SMARCAL1: variants seen among roughly 807,000 people sequenced by gnomAD.
SMARCAL1 encodes ATP-driven annealing helicase.
SMARCAL1 carries 58 observed loss-of-function variants against 94.5 expected under a neutral mutation model. That is an observed-to-expected ratio of 0.61 (90% confidence interval 0.50 to 0.76). The LOEUF (loss-of-function observed/expected upper bound fraction) is 0.76. SMARCAL1 is among the 30% of genes least tolerant of loss of function. The pLI, the probability that SMARCAL1 is intolerant of heterozygous loss-of-function variation, is 0.00. For missense variants in SMARCAL1, 1,051 were observed against 1,177.9 expected, an observed-to-expected ratio of 0.89 and a Z score of 1.58; for synonymous variants, 422 against 455.1, an observed-to-expected ratio of 0.93 and a Z score of 0.93.
At chr2:216,439,092 G>T (rs1694142298) in intron 10 of SMARCAL1, among the ~76,000 whole-genome samples, 1 of 152,164 alleles carries the variant, frequency 6.6e-6, no homozygotes, top group South Asian at 2.1e-4. Context: ...GACAGAAGGG[G>T]CAGCCATCCC....
At chr2:216,455,745 G>A (rs1300053512) in intron 12 of SMARCAL1, among the ~76,000 whole-genome samples, 1 of 152,164 alleles carries the variant, frequency 6.6e-6, no homozygotes, top group Non-Finnish European at 1.5e-5. Flanking sequence ...CCACAAAGAT[G>A]GGGAAAAAAC....
Position 216,414,923 on chromosome 2 carries a change from A to G in SMARCAL1, c.219A>G (p.Gln73=). 1.2e-6 allele frequency: 2 copies of G among 1,614,230 alleles called. No homozygotes were observed. Among genetic ancestry groups the G allele is most frequent in the Non-Finnish European group, 1.7e-6 (2 of 1,180,046 alleles). The change falls in exon 3 of 18, where the codon CAA becomes CAG. Residue 73 remains glutamine (Q), a synonymous_variant. Transcript: ENST00000357276. The part of the protein sequence containing the change: ...KPVSHGVIFK[Q]QNLSSSSNAD... The stretch of plus-strand genomic sequence containing the variant: ...TGAGCCATGGTGTCATTTTCAAGCA[A>G]CAGAATCTCAGTAGCTCATCTAATG...
rs1263420450 is a variant in SMARCAL1 at position 216,428,709 on chromosome 2, C to G, written c.1261C>G (p.Pro421Ala). The change falls in exon 7 of 18, where the codon CCA (proline) becomes GCA (alanine). Residue 421 changes from proline to alanine, a missense_variant. Physicochemically the swap from Pro to Ala is conservative, Grantham distance 27. This residue lies in a region of SMARCAL1 where 642 missense variants were observed against 754.7 expected (regional missense o/e 0.85). Transcript: ENST00000357276. ...ATCTCTCAGTCTCACGCCAGATGTCCCAGAGGCAGACCTTTCTGAAGTGGA... is the reference window on the plus strand; with the variant it reads ...ATCTCTCAGTCTCACGCCAGATGTCGCAGAGGCAGACCTTTCTGAAGTGGA... ...KTSLSLTPDV[P>A]EADLSEVDPK... 3 of 1,614,174 alleles carry G rather than the reference C, an allele frequency of 1.9e-6. No homozygotes were observed. Among genetic ancestry groups the G allele is most frequent in the South Asian group, 2.2e-5 (2 of 91,080 alleles).
Position 216,415,304 on chromosome 2 carries a change from G to T in SMARCAL1, c.600G>T (p.Ser200=). The T allele has an allele frequency of 6.2e-7, 1 of 1,614,222 alleles. No individual in the cohort carries two copies. Residue 200 remains serine (S), a synonymous_variant, in exon 3 of 18, where the codon TCG becomes TCT. Coordinates refer to ENST00000357276, the MANE Select transcript of SMARCAL1 (RefSeq NM_014140.4). ...CCAAGACAGCAAAAGCCTCCCCTTC[G>T]GGGCAGAACATTTCTTACATCCATT... is the stretch of plus-strand genomic sequence containing the variant. ...LEAKTAKASP[S]GQNISYIHSS...
chr2:216,416,114 C>G, intron 3 of SMARCAL1, 143 bp from the exon 4 acceptor site: 5 of 744,394 alleles, frequency 6.7e-6, no homozygotes, highest in Non-Finnish European at 1.2e-5. Context: ...TTGTCCTCTA[C>G]AGAGATTTTT....
Position 216,415,118 on chromosome 2 carries a change from CTT to C in SMARCAL1, c.415_416del (p.Leu139GlufsTer3), listed in dbSNP as rs781023326. On this transcript the variant is annotated frameshift_variant, in exon 3 of 18. Coordinates refer to ENST00000357276, the MANE Select transcript of SMARCAL1 (RefSeq NM_014140.4). LOFTEE classifies it high-confidence loss of function. ...CTCCAGAGGTCCCTAAACAACAGCTCTTGAGTTATGAGTTAGGTCAAGGTCAT... is the reference window on the plus strand; with the variant it reads ...CTCCAGAGGTCCCTAAACAACAGCTCGAGTTATGAGTTAGGTCAAGGTCAT... Reference protein sequence around the residue: ...SPPEVPKQQLLSYELGQGHAQ... With the variant: ...SPPEVPKQQLXSYELGQGHAQ... The C allele has an allele frequency of 4.4e-5, 71 of 1,613,526 alleles. No individual in the cohort carries two copies. Among genetic ancestry groups the C allele is most frequent in the Non-Finnish European group, 5.8e-5 (69 of 1,179,736 alleles).
chr2:216,416,195 A>G, intron 3 of SMARCAL1, 62 bp from the exon 4 acceptor site: 2 of 1,405,052 alleles, frequency 1.4e-6, no homozygotes, highest in African/African-American at 1.4e-5. Flanking sequence ...TTAGAAGACA[A>G]GCTTGTGTTG....
chr2:216,450,858 T>A lies in SMARCAL1; in HGVS notation c.1864T>A (p.Trp622Arg), dbSNP rs747476972. 1.2e-6 allele frequency: 2 copies of A among 1,613,832 alleles called. No homozygotes were observed. Residue 622 changes from tryptophan (W) to arginine (R), a missense_variant, in exon 12 of 18, where the codon TGG becomes AGG. Trp to Arg is a moderately radical substitution (Grantham distance 101). This residue lies in a region of SMARCAL1 where 642 missense variants were observed against 754.7 expected (regional missense o/e 0.85). Transcript: ENST00000357276. Reference sequence around the variant, plus strand: ...TTGTTCTCTGCAGATGCCTTGGGGGTGGGACTACTCAGGTTCCTCCAACCT... The same window carrying A: ...TTGTTCTCTGCAGATGCCTTGGGGGAGGGACTACTCAGGTTCCTCCAACCT... ...YCDAKRMPWGWDYSGSSNLGE... is the reference protein window; with the variant it reads ...YCDAKRMPWGRDYSGSSNLGE...
chr2:216,454,007 A>G (rs914210362), intron 12 of SMARCAL1, among the ~76,000 whole-genome samples: 2 of 152,248 alleles, frequency 1.3e-5, no homozygotes, highest in African/African-American at 4.8e-5. Flanking sequence ...TCTTTTGTCT[A>G]AAGCCATTTT....
intron 12 of SMARCAL1, among the ~76,000 whole-genome samples, chr2:216,452,882 GGT>G (rs1694480727): frequency 6.6e-6 from 1 of 152,158 alleles, no homozygotes; most frequent in East Asian, 1.9e-4. Flanking sequence ...TGAGCTTGTT[GGT>G]GATGCTATGA....
chr2:216,474,827 G>A (rs150636043), intron 14 of SMARCAL1, among the ~76,000 whole-genome samples: 297 of 152,318 alleles, frequency 1.9e-3, no homozygotes, highest in Non-Finnish European at 2.9e-3. Flanking sequence ...GCTAAGGACC[G>A]TGGAAAGAGG....
intron 9 of SMARCAL1, among the ~76,000 whole-genome samples, chr2:216,436,514 T>C (rs967540706): frequency 6.6e-6 from 1 of 152,212 alleles, no homozygotes; most frequent in Admixed American, 6.5e-5. Flanking sequence ...TTATTCTGTT[T>C]TGGACATGAG....
intron 12 of SMARCAL1, among the ~76,000 whole-genome samples, chr2:216,455,432 TA>T (rs1694543245): frequency 6.6e-6 from 1 of 152,208 alleles, no homozygotes; most frequent in Non-Finnish European, 1.5e-5. Flanking sequence ...CTGAGTTGCC[TA>T]ACTGGGACAC....
At chr2:216,446,488 A>C (rs1322030338) in intron 10 of SMARCAL1, among the ~76,000 whole-genome samples, 1 of 152,182 alleles carries the variant, frequency 6.6e-6, no homozygotes, top group Non-Finnish European at 1.5e-5. Flanking sequence ...TGGGAATGGG[A>C]GAGGGCTGAT....
chr2:216,447,836 T>A (rs1210867840), intron 11 of SMARCAL1, among the ~76,000 whole-genome samples: 1 of 152,138 alleles, frequency 6.6e-6, no homozygotes, highest in Non-Finnish European at 1.5e-5. Flanking sequence ...TAAACACCAA[T>A]GCATTGCCAT....
chr2:216,434,590 A>G lies in SMARCAL1; in HGVS notation c.1486-748A>G, dbSNP rs1694036203. On this transcript the variant is annotated intron_variant, in intron 8 of 17. Coordinates refer to ENST00000357276, the MANE Select transcript of SMARCAL1 (RefSeq NM_014140.4). ...GTGGTTCAGGCCTGTAGTCTCAGCAACTTGGGAAGCTGTGGCAGGAGGATT... is the reference window on the plus strand; with the variant it reads ...GTGGTTCAGGCCTGTAGTCTCAGCAGCTTGGGAAGCTGTGGCAGGAGGATT... Among the ~76,000 whole-genome samples the G allele has an allele frequency of 3.9e-5, 6 of 152,208 alleles. 1 individual carries two copies. The South Asian group carries it at 1.2e-3, about 32-fold the overall frequency.
chr2:216,454,002 T>C (rs2106058754), intron 12 of SMARCAL1, among the ~76,000 whole-genome samples: 1 of 152,396 alleles, frequency 6.6e-6, no homozygotes, highest in East Asian at 1.9e-4. Flanking sequence ...AATCATCTTT[T>C]GTCTAAAGCC....
At chr2:216,450,077 T>C (rs1396333758) in intron 11 of SMARCAL1, among the ~76,000 whole-genome samples, 1 of 152,198 alleles carries the variant, frequency 6.6e-6, no homozygotes, top group Non-Finnish European at 1.5e-5. Flanking sequence ...CTCTAACTCC[T>C]GACCTCAAGT....
At chr2:216,433,031 G>A (rs542639124) in intron 8 of SMARCAL1, among the ~76,000 whole-genome samples, 163 bp downstream of exon 8, 4 of 152,066 alleles carry the variant, frequency 2.6e-5, no homozygotes, top group African/African-American at 9.7e-5. Flanking sequence ...GGCAGGCTGG[G>A]GGTTTTCTGG....
Sources: allele counts gnomAD v4.1 joint callset (sites outside exome capture counted in the v4.1 genomes callset), GRCh38; gene constraint gnomAD v4.1.1; regional missense constraint gnomAD v4.1.1; transcripts MANE v1.5; gene names NCBI Gene and HGNC (gene_info 2026-07-23, HGNC 2026-07-21).